The following OPRM1 variants were observed in gnomAD, a reference collection of about 807,000 sequenced individuals.
OPRM1 encodes the protein mu-type opioid receptor.
Under a neutral mutation model 31.8 loss-of-function variants are expected in OPRM1, and 27 were observed. The observed-to-expected ratio is 0.85, with a 90% CI of 0.63 to 1.17. The LOEUF (loss-of-function observed/expected upper bound fraction) is 1.17. Among genes scored for constraint, OPRM1 ranks in the 50% most tolerant of loss-of-function variants. OPRM1 has a pLI of 0.00. For synonymous variants in OPRM1, 196 were observed against 189.9 expected (o/e 1.03, Z -0.26); for missense variants, 536 against 511.1 (o/e 1.05, Z -0.47).
intron 1 of OPRM1, among the ~76,000 whole-genome samples, chr6:154,070,147 A>G (rs146021917): frequency 5.6e-4 from 85 of 152,350 alleles, no homozygotes; most frequent in Non-Finnish European, 8.5e-4. Context: ...TTTGGATGAC[A>G]TGGTTCTTAT....
chr6:154,079,184 C>T (rs989095779), intron 1 of OPRM1, among the ~76,000 whole-genome samples: 2 of 152,184 alleles, frequency 1.3e-5, no homozygotes, highest in Non-Finnish European at 1.5e-5. Flanking sequence ...TGTGACCTCT[C>T]GCCTGACTGG....
intron 3 of OPRM1, among the ~76,000 whole-genome samples, chr6:154,097,723 GTGA>G (rs1234301144): frequency 1.3e-5 from 2 of 152,056 alleles, no homozygotes; most frequent in African/African-American, 4.8e-5. Context: ...ATAAATTATT[GTGA>G]TATGTGAGAG....
chr6:154,028,321 C>T (rs1436030795), intron 1 of OPRM1, among the ~76,000 whole-genome samples: 2 of 152,112 alleles, frequency 1.3e-5, no homozygotes, highest in Non-Finnish European at 1.5e-5. Context: ...CTGACTGGGG[C>T]CATATCCTGC....
chr6:154,164,002 A>G (rs1799231285), intron 3 of OPRM1, among the ~76,000 whole-genome samples: 1 of 152,226 alleles, frequency 6.6e-6, no homozygotes, highest in Non-Finnish European at 1.5e-5. Flanking sequence ...AGTTTTCAAT[A>G]TCTATGCTTC....
At chr6:154,059,051 A>C (rs1365518719) in intron 1 of OPRM1, among the ~76,000 whole-genome samples, 2 of 152,202 alleles carry the variant, frequency 1.3e-5, no homozygotes, top group Non-Finnish European at 2.9e-5. Flanking sequence ...TTGAGGGTTC[A>C]TTTGGATGGC....
intron 1 of OPRM1, among the ~76,000 whole-genome samples, chr6:154,063,655 G>A (rs895963728): frequency 4.6e-5 from 7 of 151,948 alleles, no homozygotes; most frequent in East Asian, 3.9e-4. Context: ...ATACCCATTC[G>A]TTCTTTCCTC....
At chr6:154,233,632 T>A (rs1779891719) in intron 3 of OPRM1, among the ~76,000 whole-genome samples, 1 of 152,142 alleles carries the variant, frequency 6.6e-6, no homozygotes, top group Non-Finnish European at 1.5e-5. Flanking sequence ...AAGAATTGAT[T>A]ACGCTAATGA....
chr6:154,111,251 G>A (rs1016254580), intron 3 of OPRM1, among the ~76,000 whole-genome samples: 1 of 152,118 alleles, frequency 6.6e-6, no homozygotes, highest in South Asian at 2.1e-4. Context: ...GGAGATCTTT[G>A]CCTATGAGTC....
chr6:154,129,612 T>A lies in OPRM1; in HGVS notation c.*10891T>A, dbSNP rs1321833527. ...GTCAATAATAATTTCAGATGTGTAT[T>A]TTAGTTCTCATAAGAACATCTACAT... On this transcript the variant is annotated 3_prime_UTR_variant, in exon 4 of 4. Transcript: ENST00000330432. Among the ~76,000 whole-genome samples, 1 of 152,186 alleles carries A rather than the reference T, an allele frequency of 6.6e-6. No homozygotes were observed. The highest frequency in any genetic ancestry group is 6.5e-5 in the Admixed American group (1 of 15,278).
intron 3 of OPRM1, among the ~76,000 whole-genome samples, chr6:154,180,414 ATTTT>A (rs761333730): frequency 6.1e-5 from 4 of 65,268 alleles, no homozygotes; most frequent in Admixed American, 1.4e-4. Flanking sequence ...ATATATATAT[ATTTT>A]TTTTTTAAAC....
At chr6:154,084,739 G>A (rs1375206802) in intron 1 of OPRM1, among the ~76,000 whole-genome samples, 1 of 151,998 alleles carries the variant, frequency 6.6e-6, no homozygotes, top group Non-Finnish European at 1.5e-5. Context: ...CATATAAAAG[G>A]GGCTTGTTGA....
intron 1 of OPRM1, among the ~76,000 whole-genome samples, chr6:154,018,216 T>G (rs1462818388): frequency 6.6e-6 from 1 of 152,044 alleles, no homozygotes; most frequent in Non-Finnish European, 1.5e-5. Context: ...GTCAGGAGTT[T>G]GAGACCAGCC....
At chr6:154,188,501 C>A (rs1423355132) in intron 3 of OPRM1, among the ~76,000 whole-genome samples, 1 of 152,172 alleles carries the variant, frequency 6.6e-6, no homozygotes, top group Non-Finnish European at 1.5e-5. Flanking sequence ...CACGCATGTG[C>A]ATGTGTGTGT....
intron 1 of OPRM1, among the ~76,000 whole-genome samples, chr6:154,075,908 G>T (rs527651478): frequency 3.0e-4 from 45 of 152,258 alleles, no homozygotes; most frequent in African/African-American, 1.1e-3. Flanking sequence ...TTTCTTGCCT[G>T]TAAAATGGGG....
chr6:154,099,348 C>CTA (rs147765820), intron 3 of OPRM1, among the ~76,000 whole-genome samples: 1 of 125,070 alleles, frequency 8.0e-6, no homozygotes, highest in African/African-American at 3.2e-5. Flanking sequence ...AGGAAGAGAG[C>CTA]GAGAGAGAGA....
chr6:154,071,108 C>A (rs1707313534), intron 1 of OPRM1, among the ~76,000 whole-genome samples: 1 of 152,054 alleles, frequency 6.6e-6, no homozygotes, highest in South Asian at 2.1e-4. Context: ...GACCTAAAGA[C>A]CATGGTTAAC....
In OPRM1 at chr6:154,120,246, A is replaced by C. The variant is rs1304109939; in HGVS notation, c.*1525A>C. Among the ~76,000 whole-genome samples the C allele has an allele frequency of 6.6e-6, 1 of 152,200 alleles. No homozygotes were observed. The highest frequency in any genetic ancestry group is 2.4e-5 in the African/African-American group (1 of 41,468). ...TATTTTTTCATCAATCTGACAAGGC[A>C]CAAATATGTGCCAGATATACAAAAG... On this transcript the variant is annotated 3_prime_UTR_variant, in exon 4 of 4. Transcript: ENST00000330432.
At position 154,039,760 on chromosome 6, in the gene OPRM1, G is replaced by T. The variant is rs866096570; in HGVS notation, c.216G>T (p.Thr72=). The change falls in exon 1 of 4, where the codon ACG becomes ACT. Residue 72 remains threonine, a synonymous_variant. Transcript: ENST00000330432. ...TGSPSMITAI[T]IMALYSIVCV... ...GTCCCTCCATGATCACGGCCATCAC[G>T]ATCATGGCCCTCTACTCCATCGTGT... is the stretch of plus-strand genomic sequence containing the variant. 6 of 1,606,134 alleles carry T rather than the reference G, an allele frequency of 3.7e-6. No individual in the cohort carries two copies. Among genetic ancestry groups the T allele is most frequent in the Non-Finnish European group, 3.4e-6 (4 of 1,179,924 alleles).
intron 1 of OPRM1, among the ~76,000 whole-genome samples, chr6:154,068,338 G>T (rs1785902553): frequency 6.6e-6 from 1 of 152,056 alleles, no homozygotes; most frequent in African/African-American, 2.4e-5. Context: ...CAGTAATTAT[G>T]TCTTCTTTGA....
Sources: allele counts gnomAD v4.1 joint callset (sites outside exome capture counted in the v4.1 genomes callset), GRCh38; gene constraint gnomAD v4.1.1; transcripts MANE v1.5; gene names NCBI Gene and HGNC (gene_info 2026-07-23, HGNC 2026-07-21).